The following GABRB1 variants were observed in gnomAD, a reference collection of about 807,000 sequenced individuals.
The protein encoded by GABRB1 is gamma-aminobutyric acid type A receptor subunit beta1, also known as gamma-aminobutyric acid receptor subunit beta-1.
GABRB1 carries 17 observed loss-of-function variants against 51.6 expected under a neutral mutation model. The observed-to-expected ratio is 0.33, with a 90% CI of 0.23 to 0.49. GABRB1 has a LOEUF of 0.49. Ranked by LOEUF, GABRB1 falls within the 20% of genes least tolerant of loss-of-function variation. The pLI, the probability that GABRB1 is intolerant of heterozygous loss-of-function variation, is 0.99. For missense variants in GABRB1, 410 were observed against 600.6 expected, an observed-to-expected ratio of 0.68 and a Z score of 3.32; for synonymous variants, 247 against 218.9, an observed-to-expected ratio of 1.13 and a Z score of -1.14.
At chr4:47,142,212 A>G (rs1716968533) in intron 3 of GABRB1, among the ~76,000 whole-genome samples, 1 of 151,908 alleles carries the variant, frequency 6.6e-6, no homozygotes, top group South Asian at 2.1e-4. Flanking sequence ...TCATTGATTT[A>G]GGACTAAATG....
chr4:47,080,737 G>A lies in GABRB1; in HGVS notation c.240+48253G>A, dbSNP rs564433813. ...CCTGGCTTCATGTTCTTTTTAATAA[G>A]GTCGTCAATAGACAAATTGATTAAT... On this transcript the variant is annotated intron_variant, in intron 3 of 8. Coordinates refer to ENST00000295454, the MANE Select transcript of GABRB1 (RefSeq NM_000812.4). Among the ~76,000 whole-genome samples, 19 of 152,194 alleles carry A rather than the reference G, an allele frequency of 1.2e-4. No homozygotes were observed. In the East Asian group the frequency reaches 3.7e-3, roughly 29 times the overall value.
intron 4 of GABRB1, among the ~76,000 whole-genome samples, chr4:47,239,062 A>AT (rs1057010702): frequency 6.6e-5 from 10 of 152,078 alleles, no homozygotes; most frequent in African/African-American, 1.7e-4. Flanking sequence ...TTTATGATGT[A>AT]TTTTTTTAAC....
chr4:47,052,429 C>G (rs940804099), intron 3 of GABRB1, among the ~76,000 whole-genome samples: 1 of 152,192 alleles, frequency 6.6e-6, no homozygotes, highest in Non-Finnish European at 1.5e-5. Context: ...AACAAACACA[C>G]ATTCAGGCAA....
chr4:47,045,010 A>C (rs1271528045), intron 3 of GABRB1, among the ~76,000 whole-genome samples: 1 of 152,036 alleles, frequency 6.6e-6, no homozygotes, highest in Non-Finnish European at 1.5e-5. Flanking sequence ...CCTTTATATG[A>C]GGAGGAAATA....
At chr4:47,114,266 C>T (rs1715369105) in intron 3 of GABRB1, among the ~76,000 whole-genome samples, 1 of 152,184 alleles carries the variant, frequency 6.6e-6, no homozygotes. Context: ...CCTCAGAGTA[C>T]TCTCTGAATG....
chr4:47,388,015 C>G (rs764616230), intron 5 of GABRB1, among the ~76,000 whole-genome samples: 13 of 152,010 alleles, frequency 8.6e-5, no homozygotes, highest in Non-Finnish European at 1.3e-4. Context: ...CACTAGAGTC[C>G]CATTGGTGTC....
intron 4 of GABRB1, among the ~76,000 whole-genome samples, chr4:47,258,267 T>C (rs368840929): frequency 6.6e-6 from 1 of 152,160 alleles, no homozygotes. Context: ...ATTAGAATTT[T>C]TAATCAGAGT....
At chr4:47,022,644 G>A (rs1178431458) in intron 1 of GABRB1, among the ~76,000 whole-genome samples, 1 of 151,926 alleles carries the variant, frequency 6.6e-6, no homozygotes, top group Non-Finnish European at 1.5e-5. Flanking sequence ...CAAAAGACAG[G>A]CAATAACAAA....
At chr4:47,269,785 T>C (rs768542657) in intron 4 of GABRB1, among the ~76,000 whole-genome samples, 2 of 152,176 alleles carry the variant, frequency 1.3e-5, no homozygotes, top group African/African-American at 2.4e-5. Context: ...ATTTCCGTTA[T>C]ACTGATAAAG....
chr4:47,336,830 G>T (rs1417405003), intron 5 of GABRB1, among the ~76,000 whole-genome samples: 2 of 152,142 alleles, frequency 1.3e-5, no homozygotes, highest in Non-Finnish European at 2.9e-5. Flanking sequence ...TCAAAAAGTG[G>T]CCAATTAATA....
In GABRB1 at chr4:47,246,337, C is replaced by CAT. The variant is rs60968247; in HGVS notation, c.462-73732_462-73731dup. 1.1e-3 allele frequency among the ~76,000 whole-genome samples: 57 copies of CAT among 53,280 alleles called. 1 individual carries two copies. The highest frequency in any genetic ancestry group is 0.023 in the Middle Eastern group (1 of 44). The allele number at this position is 53,280 out of a possible 152,430, so 35.0% of individuals were successfully genotyped here. On this transcript the variant is annotated intron_variant, in intron 4 of 8. Coordinates refer to ENST00000295454, the MANE Select transcript of GABRB1 (RefSeq NM_000812.4). ...ACACACACACACACACACATATGTA[C>CAT]ATATATATATATATATATATATATA...
chr4:47,281,219 TA>T (rs1355729885), intron 4 of GABRB1, among the ~76,000 whole-genome samples: 4 of 151,952 alleles, frequency 2.6e-5, no homozygotes, highest in African/African-American at 9.7e-5. Context: ...ATAATCTGAT[TA>T]AAAAATGAAC....
At chr4:47,229,861 C>G (rs1721073768) in intron 4 of GABRB1, among the ~76,000 whole-genome samples, 1 of 152,022 alleles carries the variant, frequency 6.6e-6, no homozygotes, top group Non-Finnish European at 1.5e-5. Flanking sequence ...TTCACTAGAG[C>G]CCTAGCTCTA....
intron 5 of GABRB1, among the ~76,000 whole-genome samples, chr4:47,393,471 C>A (rs79958810): frequency 0.027 from 4,036 of 151,830 alleles, 195 homozygotes; most frequent in African/African-American, 0.093. Context: ...ACCTACAGCT[C>A]TCCCTACACT....
intron 4 of GABRB1, among the ~76,000 whole-genome samples, chr4:47,174,842 G>A (rs538996244): frequency 6.6e-6 from 1 of 151,878 alleles, no homozygotes; most frequent in Admixed American, 6.6e-5. Flanking sequence ...CTGCACTATA[G>A]GCTTCCTCCC....
chr4:47,377,513 A>T (rs1236474548), intron 5 of GABRB1, among the ~76,000 whole-genome samples: 1 of 151,938 alleles, frequency 6.6e-6, no homozygotes, highest in African/African-American at 2.4e-5. Context: ...GTGGACCCAA[A>T]GAATGAGCAG....
At chr4:47,309,062 T>C (rs1024851957) in intron 4 of GABRB1, among the ~76,000 whole-genome samples, 3 of 152,128 alleles carry the variant, frequency 2.0e-5, no homozygotes, top group African/African-American at 4.8e-5. Flanking sequence ...TATTGGTTAA[T>C]AGGAAGTATT....
chr4:47,100,151 G>C (rs1442647329), intron 3 of GABRB1, among the ~76,000 whole-genome samples: 1 of 151,896 alleles, frequency 6.6e-6, no homozygotes, highest in Non-Finnish European at 1.5e-5. Flanking sequence ...TCTAATTAAA[G>C]TGCAATAAAA....
intron 3 of GABRB1, among the ~76,000 whole-genome samples, chr4:47,080,794 C>G (rs1389298807): frequency 1.3e-5 from 2 of 152,138 alleles, no homozygotes; most frequent in Non-Finnish European, 1.5e-5. Flanking sequence ...TCTGCCAGTT[C>G]TGTGGGGAAG....
Sources: allele counts gnomAD v4.1 joint callset (sites outside exome capture counted in the v4.1 genomes callset), GRCh38; gene constraint gnomAD v4.1.1; transcripts MANE v1.5; gene names NCBI Gene and HGNC (gene_info 2026-07-23, HGNC 2026-07-21).